The following DGKK variants were observed in gnomAD, a reference collection of about 807,000 sequenced individuals.
DGKK encodes the protein 142 kDa diacylglycerol kinase.
DGKK carries 35 observed loss-of-function variants against 92.2 expected under a neutral mutation model. The observed-to-expected ratio is 0.38, with a 90% CI of 0.29 to 0.50. The LOEUF (loss-of-function observed/expected upper bound fraction) is 0.50. Among genes scored for constraint, DGKK ranks in the 20% least tolerant of loss-of-function variants. DGKK has a pLI of 0.92. For synonymous variants in DGKK, 368 were observed against 360.6 expected, an observed-to-expected ratio of 1.02 and a Z score of -0.23; for missense variants, 910 against 992.2, an observed-to-expected ratio of 0.92 and a Z score of 1.11.
At chrX:50,447,412 AT>A (rs1557232090) in intron 1 of DGKK, among the ~76,000 whole-genome samples, 2 of 13,236 alleles carry the variant, frequency 1.5e-4, no homozygotes, top group African/African-American at 1.6e-3. Context: ...TATATATAAT[AT>A]ATATATATAT....
chrX:50,396,093 C>T (rs947272470), intron 8 of DGKK, among the ~76,000 whole-genome samples: 6 of 111,910 alleles, frequency 5.4e-5, no homozygotes, highest in East Asian at 5.6e-4. Context: ...TGGTTAAGTA[C>T]GTTATGGTGT....
At chrX:50,434,246 C>A (rs781927957) in intron 1 of DGKK, among the ~76,000 whole-genome samples, 1 of 111,857 alleles carries the variant, frequency 8.9e-6, no homozygotes, top group African/African-American at 3.2e-5. Flanking sequence ...AACCCTCCTT[C>A]TCCAAAGGAA....
chrX:50,384,129 G>A (rs1557224695), intron 17 of DGKK, 39 bp downstream of exon 17: 1 of 906,692 alleles, frequency 1.1e-6, no homozygotes, highest in Non-Finnish European at 1.5e-6. Flanking sequence ...ACAAGAGAAA[G>A]AAAGAAGCCA....
intron 24 of DGKK, 83 bp from the exon 25 acceptor site, chrX:50,375,140 G>A (rs971169639): frequency 5.5e-5 from 41 of 747,232 alleles, no homozygotes; most frequent in Admixed American, 2.2e-4. Context: ...TGTCTTCTCC[G>A]TGGGAAGGTA....
intron 4 of DGKK, among the ~76,000 whole-genome samples, chrX:50,411,981 T>C (rs1285267285): frequency 9.0e-6 from 1 of 111,379 alleles, no homozygotes; most frequent in Non-Finnish European, 1.9e-5. Flanking sequence ...AGATTTCAGA[T>C]TTTTTAGGAT....
chrX:50,393,331 T>A lies in DGKK; in HGVS notation c.1416A>T (p.Gln472His), dbSNP rs1465686753. 7 of 1,197,617 alleles carry A rather than the reference T, an allele frequency of 5.8e-6. No individual in the cohort carries two copies. The highest frequency in any genetic ancestry group is 7.9e-6 in the Non-Finnish European group (7 of 888,418). The change falls in exon 9 of 28, where the codon CAA becomes CAT. Residue 472 changes from glutamine (Q) to histidine (H), a missense_variant. By Grantham distance (24) the Gln-to-His change is conservative. Transcript: ENST00000611977. Reference sequence around the variant, plus strand: ...TCCAGAAGTCTGAAGATACTACTAATTGGCCTGACACAACGAAAAGAAAAA... The same window carrying A: ...TCCAGAAGTCTGAAGATACTACTAAATGGCCTGACACAACGAAAAGAAAAA... ...TALSDPKGDG[Q>H]LVVSSDFWNL...
chrX:50,455,615 A>C (rs1271852638), intron 1 of DGKK, among the ~76,000 whole-genome samples: 3 of 111,918 alleles, frequency 2.7e-5, no homozygotes, highest in Non-Finnish European at 5.6e-5. Flanking sequence ...AGACACTTGC[A>C]TTCCATCCAA....
intron 8 of DGKK, among the ~76,000 whole-genome samples, chrX:50,398,773 T>C (rs782287337): frequency 4.5e-5 from 5 of 111,876 alleles, no homozygotes; most frequent in Non-Finnish European, 9.4e-5. Flanking sequence ...TTTGGGGTCA[T>C]TTGTGGCATG....
chrX:50,380,290 C>T (rs782282865), intron 18 of DGKK, among the ~76,000 whole-genome samples: 1 of 111,283 alleles, frequency 9.0e-6, no homozygotes, highest in African/African-American at 3.3e-5. Flanking sequence ...CCTCAGTATC[C>T]TATCAATAAA....
At chrX:50,374,257 A>T (rs1924213936) in intron 25 of DGKK, among the ~76,000 whole-genome samples, 1 of 111,752 alleles carries the variant, frequency 8.9e-6, no homozygotes, top group African/African-American at 3.3e-5. Context: ...CCTTGTGAAG[A>T]CAGAGAAACA....
At chrX:50,369,541 C>T (rs1458441664) in intron 27 of DGKK, among the ~76,000 whole-genome samples, 1 of 104,832 alleles carries the variant, frequency 9.5e-6, no homozygotes, top group Admixed American at 1.0e-4. Context: ...CTTCCTTCCC[C>T]CTCCCTGCCT....
chrX:50,392,321 T>C lies in DGKK; in HGVS notation c.1704+20A>G, dbSNP rs1557225642. 6.9e-6 allele frequency: 8 copies of C among 1,155,526 alleles called. No homozygotes were observed. The highest frequency in any genetic ancestry group is 1.8e-5 in the African/African-American group (1 of 56,366). On this transcript the variant is annotated intron_variant, in intron 10 of 27. Transcript: ENST00000611977. ...CTACTCTTTCTAGCAATGGCTAAAC[T>C]GAGTCATCCAGGGACTTACCTTTTC... is the stretch of plus-strand genomic sequence containing the variant.
At chrX:50,393,478 A>G (rs1235961135) in intron 8 of DGKK, 143 bp from the exon 9 acceptor site, 9 of 481,173 alleles carry the variant, frequency 1.9e-5, no homozygotes, top group Admixed American at 4.0e-5. Context: ...GGAAAAGTCA[A>G]GATACCACCC....
At chrX:50,391,974 C>T (rs1330247263) in intron 10 of DGKK, among the ~76,000 whole-genome samples, 1 of 111,987 alleles carries the variant, frequency 8.9e-6, no homozygotes, top group African/African-American at 3.2e-5. Flanking sequence ...ATAGAGGAAA[C>T]TTTCTGCCAC....
At chrX:50,389,770 G>A (rs1924637117) in intron 12 of DGKK, among the ~76,000 whole-genome samples, 1 of 110,457 alleles carries the variant, frequency 9.1e-6, no homozygotes, top group Non-Finnish European at 1.9e-5. Flanking sequence ...CTTCAGTTTC[G>A]TGAATATTCC....
chrX:50,434,156 CT>C (rs781844835), intron 1 of DGKK, among the ~76,000 whole-genome samples: 2 of 110,460 alleles, frequency 1.8e-5, no homozygotes, highest in Non-Finnish European at 3.8e-5. Context: ...ACTATGAGAG[CT>C]GTGGCTCCTG....
chrX:50,463,018 G>A (rs55947165), intron 1 of DGKK, among the ~76,000 whole-genome samples: 2 of 101,673 alleles, frequency 2.0e-5, no homozygotes, highest in Non-Finnish European at 4.0e-5. Context: ...CCACCTTGAA[G>A]AAGCTTGAGA....
intron 7 of DGKK, among the ~76,000 whole-genome samples, chrX:50,401,933 T>C (rs1251166439): frequency 5.4e-5 from 6 of 111,666 alleles, no homozygotes; most frequent in African/African-American, 2.0e-4. Context: ...GAGGCTGACC[T>C]GTGCATTGTA....
intron 8 of DGKK, among the ~76,000 whole-genome samples, chrX:50,399,238 C>CTGTGTG (rs5902471): frequency 9.4e-5 from 10 of 106,292 alleles, no homozygotes; most frequent in African/African-American, 3.4e-4. Flanking sequence ...TCTAGAGTGG[C>CTGTGTG]TGTGTGTGTG....
Sources: gnomAD v4.1 joint callset for allele counts (sites outside exome capture counted in the v4.1 genomes callset) on GRCh38, gnomAD v4.1.1 for gene constraint, MANE v1.5 for transcripts, NCBI Gene and HGNC (gene_info 2026-07-23, HGNC 2026-07-21) for gene names.